NCOA4: variants seen among roughly 807,000 people sequenced by gnomAD.
The protein encoded by NCOA4 is 70 kDa AR-activator.
NCOA4 carries 31 observed loss-of-function variants against 69.5 expected under a neutral mutation model. The ratio of observed to expected loss-of-function variants is 0.45; its 90% CI spans 0.34 to 0.60. The LOEUF is 0.60. NCOA4 is among the 20% of genes least tolerant of loss of function. The pLI, the probability that NCOA4 is intolerant of heterozygous loss-of-function variation, is 0.02. For synonymous variants in NCOA4, 228 were observed against 252.4 expected, an observed-to-expected ratio of 0.90 and a Z score of 0.92; for missense variants, 600 against 719.2, an observed-to-expected ratio of 0.83 and a Z score of 1.90.
chr10:46,026,801 T>C (rs1840173437), intron 1 of NCOA4, among the ~76,000 whole-genome samples: 1 of 152,162 alleles, frequency 6.6e-6, no homozygotes, highest in Admixed American at 6.5e-5. Flanking sequence ...TTTTGTGAGC[T>C]ACTCACTACT....
At chr10:46,006,975 A>C (rs1445039377) in intron 9 of NCOA4, among the ~76,000 whole-genome samples, 1 of 152,246 alleles carries the variant, frequency 6.6e-6, no homozygotes, top group Non-Finnish European at 1.5e-5. Context: ...GATTAAACTT[A>C]GCGAGAAAGT....
rs202188180 is a variant in NCOA4 at position 46,014,558 on chromosome 10, G to GAA, written c.372-8_372-7dup. 11 of 1,512,834 alleles carry GAA rather than the reference G, an allele frequency of 7.3e-6. No individual in the cohort carries two copies. Among genetic ancestry groups the GAA allele is most frequent in the Non-Finnish European group, 9.0e-6 (10 of 1,116,270 alleles). 93.7% of individuals were successfully genotyped at this position (1,512,834 alleles called of 1,614,324 possible). A position where few individuals can be genotyped will look rare whatever the true frequency, so the allele number is the denominator to read the frequency against. On this transcript the variant is annotated splice_polypyrimidine_tract_variant and splice_region_variant and intron_variant, in intron 4 of 9. Transcript: ENST00000581486. ...TAAGGGTCAAACTGCCCAGTCTGGG[G>GAA]AAAAAAAAACAAAATTGGCTATTTT...
At chr10:46,008,115 A>T (rs1554920260) in intron 9 of NCOA4, among the ~76,000 whole-genome samples, 4 of 152,234 alleles carry the variant, frequency 2.6e-5, no homozygotes. Flanking sequence ...TGGTCACCCA[A>T]AAGCTCTGAT....
At position 46,010,542 on chromosome 10, in the gene NCOA4, C is replaced by G; in HGVS notation, c.1379G>C (p.Trp460Ser). ...TATTACTTCTTTTCTAGGACAGAGC[C>G]ACATATTCAGGGAATCTTTATGCTT... ...PEKHKDSLNM[W>S]LCPRKEVIEQ... Residue 460 changes from tryptophan (W) to serine (S), a missense_variant, in exon 8 of 10, where the codon TGG becomes TCG. Coordinates refer to ENST00000581486, the MANE Select transcript of NCOA4 (RefSeq NM_001145263.2). The G allele has an allele frequency of 1.2e-6, 2 of 1,614,144 alleles. No individual in the cohort carries two copies. Among genetic ancestry groups the G allele is most frequent in the East Asian group, 4.5e-5 (2 of 44,884 alleles).
chr10:46,028,366 C>T (rs894121076), intron 1 of NCOA4, among the ~76,000 whole-genome samples: 3 of 152,200 alleles, frequency 2.0e-5, no homozygotes, highest in South Asian at 2.1e-4. Flanking sequence ...TTCCACATGG[C>T]GGGGACTTTG....
Position 46,005,847 on chromosome 10 carries a change from T to C in NCOA4, c.*745A>G, listed in dbSNP as rs1439488629. The stretch of plus-strand genomic sequence containing the variant: ...GGTACTGGGGTTCTTTTAAGCCCCG[T>C]AGGTCTGTAGAATATTTTAAAAGGC... On this transcript the variant is annotated 3_prime_UTR_variant, in exon 10 of 10. Coordinates refer to ENST00000581486, the MANE Select transcript of NCOA4 (RefSeq NM_001145263.2). The C allele has an allele frequency of 2.4e-5, 5 of 207,514 alleles. No individual in the cohort carries two copies. The highest frequency in any genetic ancestry group is 1.1e-4 in the African/African-American group (5 of 43,886). 12.9% of individuals were successfully genotyped at this position (207,514 alleles called of 1,614,324 possible). A position where few individuals can be genotyped will look rare whatever the true frequency, so the allele number is the denominator to read the frequency against.
At position 46,011,172 on chromosome 10, in the gene NCOA4, A is replaced by T. The variant is rs782435505; in HGVS notation, c.749T>A (p.Val250Asp). Residue 250 changes from valine to aspartate, a missense_variant, in exon 8 of 10, where the codon GTC becomes GAC. Val to Asp is a radical substitution (Grantham distance 152). Coordinates refer to ENST00000581486, the MANE Select transcript of NCOA4 (RefSeq NM_001145263.2). Reference protein sequence around the residue: ...SSRACNFFNNVGGNLKGLENW... With the variant: ...SSRACNFFNNDGGNLKGLENW... ...TTCTAAGCCCTTTAGGTTTCCCCCG[A>T]CATTATTGAAGAAATTGCAGGCTCT... 6.3e-7 allele frequency: 1 copy of T among 1,599,778 alleles called. No homozygotes were observed. Among genetic ancestry groups the T allele is most frequent in the Non-Finnish European group, 8.5e-7 (1 of 1,175,736 alleles).
Position 46,010,669 on chromosome 10 carries a change from A to G in NCOA4, c.1252T>C (p.Cys418Arg), listed in dbSNP as rs1186423421. The G allele has an allele frequency of 6.2e-7, 1 of 1,614,020 alleles. No homozygotes were observed. Among genetic ancestry groups the G allele is most frequent in the Non-Finnish European group, 8.5e-7 (1 of 1,179,998 alleles). ...EPCTSFAECV[C>R]DENCEKEALY... ...GCCTCCTTCTCACAATTCTCATCAC[A>G]CACACACTCTGCAAAGCTTGTGCAG... is the stretch of plus-strand genomic sequence containing the variant. Residue 418 changes from cysteine to arginine, a missense_variant, in exon 8 of 10, where the codon TGT becomes CGT. Transcript: ENST00000581486.
rs782395217 is a variant in NCOA4, at chr10:46,010,492, T to C, written c.1429A>G (p.Met477Val). The change falls in exon 8 of 10, where the codon ATG becomes GTG. Residue 477 changes from methionine (M) to valine (V), a missense_variant. Coordinates refer to ENST00000581486, the MANE Select transcript of NCOA4 (RefSeq NM_001145263.2). ...GAATCAGCAATTCTAGAAGGAGTCATTGCCTTTGGTGCTTTAGTTTGTTCT... is the reference window on the plus strand; with the variant it reads ...GAATCAGCAATTCTAGAAGGAGTCACTGCCTTTGGTGCTTTAGTTTGTTCT... ...VIEQTKAPKA[M>V]TPSRIADSFQ... The C allele has an allele frequency of 3.7e-6, 6 of 1,614,238 alleles. No homozygotes were observed. The East Asian group carries it at 8.9e-5, about 24-fold the overall frequency.
chr10:46,012,797 TAAC>T (rs1341632463), intron 7 of NCOA4, 83 bp downstream of exon 7: 3 of 1,317,270 alleles, frequency 2.3e-6, no homozygotes, highest in Middle Eastern at 2.5e-4. Context: ...ACCAAAAAGT[TAAC>T]AATGACACAT....
chr10:46,023,250 C>G (rs1254025627), intron 1 of NCOA4: 1 of 983,242 alleles, frequency 1.0e-6, no homozygotes, highest in African/African-American at 1.7e-5. Flanking sequence ...CCGCTGCGAC[C>G]CGGCTCCTGC....
At chr10:46,016,421 A>C (rs989409147) in intron 2 of NCOA4, 119 bp downstream of exon 2, 1 of 860,130 alleles carries the variant, frequency 1.2e-6, no homozygotes, top group Non-Finnish European at 1.6e-6. Flanking sequence ...GACCAAGTAG[A>C]CCACGCAAGG....
At position 46,010,354 on chromosome 10, in the gene NCOA4, A is replaced by G. The variant is rs782391533; in HGVS notation, c.1567T>C (p.Phe523Leu). ...GTEDRAGKQK[F>L]KSPMNTSWCS... ...CAGGAAGTATTCATGGGGCTTTTAA[A>G]CTTCTGTTTGCCAGCTCTGTCTTCA... The change falls in exon 8 of 10, where the codon TTT becomes CTT. Residue 523 changes from phenylalanine (F) to leucine (L), a missense_variant. Transcript: ENST00000581486. 1.9e-6 allele frequency: 3 copies of G among 1,613,920 alleles called. No homozygotes were observed. The African/African-American group carries it at 4.0e-5, about 22-fold the overall frequency.
At chr10:46,013,247 A>C (rs538669001) in intron 6 of NCOA4, among the ~76,000 whole-genome samples, 1 of 152,342 alleles carries the variant, frequency 6.6e-6, no homozygotes, top group South Asian at 2.1e-4. Context: ...CCATTCCTTT[A>C]GAAATAAATC....
chr10:46,007,930 C>T (rs1838946639), intron 9 of NCOA4, among the ~76,000 whole-genome samples: 2 of 152,060 alleles, frequency 1.3e-5, no homozygotes. Context: ...TCCTAGAGCC[C>T]TTGAGAATTA....
intron 8 of NCOA4, 27 bp from the exon 9 acceptor site, chr10:46,009,578 C>T: frequency 6.3e-7 from 1 of 1,589,970 alleles, no homozygotes; most frequent in South Asian, 1.1e-5. Context: ...GAGTAGGTTG[C>T]TTCATGAAAA....
At chr10:46,021,296 A>C (rs1244661879) in intron 1 of NCOA4, among the ~76,000 whole-genome samples, 1 of 152,200 alleles carries the variant, frequency 6.6e-6, no homozygotes, top group African/African-American at 2.4e-5. Context: ...TAAAAAAATA[A>C]AAAATAAAGC....
chr10:46,025,532 C>G (rs1300760562), intron 1 of NCOA4, among the ~76,000 whole-genome samples: 1 of 152,238 alleles, frequency 6.6e-6, no homozygotes, highest in Non-Finnish European at 1.5e-5. Flanking sequence ...TCTCCCAGAA[C>G]AGCTCCCACA....
chr10:46,024,060 T>G (rs1840038660), intron 1 of NCOA4, among the ~76,000 whole-genome samples: 1 of 152,196 alleles, frequency 6.6e-6, no homozygotes, highest in Non-Finnish European at 1.5e-5. Flanking sequence ...TACCCTAAAT[T>G]AAGTATCCCT....
Sources: allele counts gnomAD v4.1 joint callset (sites outside exome capture counted in the v4.1 genomes callset), GRCh38; gene constraint gnomAD v4.1.1; transcripts MANE v1.5; gene names NCBI Gene and HGNC (gene_info 2026-07-23, HGNC 2026-07-21).